The following CLCN3 variants were observed in gnomAD, a reference collection of about 807,000 sequenced individuals.
CLCN3 encodes the protein Cl-/H+ antiporter 3, also known as H(+)/Cl(-) exchange transporter 3.
A neutral mutation model predicts 83.4 loss-of-function variants in CLCN3; 16 were observed. That is an observed-to-expected ratio of 0.19 (90% CI 0.13 to 0.29). The LOEUF is 0.29. CLCN3 is among the 10% of genes least tolerant of loss of function. The pLI is 1.00. For synonymous variants in CLCN3, 322 were observed against 346.2 expected, an observed-to-expected ratio of 0.93 and a Z score of 0.78; for missense variants, 544 against 1,006.0, an observed-to-expected ratio of 0.54 and a Z score of 6.21.
intron 2 of CLCN3, among the ~76,000 whole-genome samples, chr4:169,642,260 T>C (rs1260437879): frequency 6.6e-6 from 1 of 152,080 alleles, no homozygotes; most frequent in Non-Finnish European, 1.5e-5. Context: ...GAGAGGAGAC[T>C]ACAAATTTGC....
intron 12 of CLCN3, among the ~76,000 whole-genome samples, chr4:169,714,343 G>A (rs1733344672): frequency 6.6e-6 from 1 of 151,222 alleles, no homozygotes; most frequent in African/African-American, 2.4e-5. Flanking sequence ...CATGACTCCT[G>A]TCCAGAGAAA....
intron 2 of CLCN3, among the ~76,000 whole-genome samples, chr4:169,667,980 C>A (rs1253850601): frequency 1.3e-5 from 2 of 151,192 alleles, no homozygotes; most frequent in African/African-American, 4.9e-5. Flanking sequence ...ACCTCGTGAT[C>A]CACCTGCCTC....
At chr4:169,666,258 T>C (rs1424549513) in intron 2 of CLCN3, among the ~76,000 whole-genome samples, 1 of 152,210 alleles carries the variant, frequency 6.6e-6, no homozygotes, top group Non-Finnish European at 1.5e-5. Context: ...TTTAAGTACA[T>C]ATCTATATAC....
chr4:169,632,843 C>A (rs151266645), intron 1 of CLCN3, among the ~76,000 whole-genome samples: 113 of 148,938 alleles, frequency 7.6e-4, no homozygotes, highest in African/African-American at 2.7e-3. Context: ...GAGATGTTAA[C>A]ATGGAATGGA....
At chr4:169,647,053 A>C (rs1196081099) in intron 2 of CLCN3, among the ~76,000 whole-genome samples, 4 of 152,178 alleles carry the variant, frequency 2.6e-5, no homozygotes, top group Admixed American at 2.0e-4. Flanking sequence ...GACTACCTAC[A>C]TCATGACATT....
rs530049749 is a variant in CLCN3 at position 169,719,879 on chromosome 4, A to T, written c.2367-28A>T. The T allele has an allele frequency of 3.2e-6, 5 of 1,571,486 alleles. No homozygotes were observed. In the East Asian group the frequency reaches 9.0e-5, roughly 28 times the overall value. On this transcript the variant is annotated intron_variant, in intron 12 of 12. Coordinates refer to ENST00000513761, the MANE Select transcript of CLCN3 (RefSeq NM_001829.4). ...CTCCTTTTATTTTCCCTTTTATTTC[A>T]TAGGAGTCTTCTGTTTATTCCTTTC...
intron 2 of CLCN3, among the ~76,000 whole-genome samples, chr4:169,641,855 G>GAATGAATCTA (rs1730422516): frequency 6.6e-6 from 1 of 151,828 alleles, no homozygotes; most frequent in South Asian, 2.1e-4. Context: ...TATTAACTAG[G>GAATGAATCTA]GTTTTAGATC....
chr4:169,661,186 T>A (rs1366998848), intron 2 of CLCN3, among the ~76,000 whole-genome samples: 1 of 152,126 alleles, frequency 6.6e-6, no homozygotes, highest in East Asian at 1.9e-4. Flanking sequence ...ATTACTACCC[T>A]TTTTTTCATT....
chr4:169,647,301 G>C (rs1730602037), intron 2 of CLCN3, among the ~76,000 whole-genome samples: 1 of 152,106 alleles, frequency 6.6e-6, no homozygotes, highest in South Asian at 2.1e-4. Flanking sequence ...GAGATGGGAA[G>C]ATCACTTGAG....
chr4:169,711,456 T>G (rs1004970432), intron 11 of CLCN3, among the ~76,000 whole-genome samples: 3 of 152,172 alleles, frequency 2.0e-5, no homozygotes, highest in Admixed American at 1.3e-4. Flanking sequence ...CTCCGCCTCC[T>G]GGGTTCAAGC....
At chr4:169,690,819 T>C (rs767688231) in intron 6 of CLCN3, among the ~76,000 whole-genome samples, 167 bp downstream of exon 6, 26 of 152,252 alleles carry the variant, frequency 1.7e-4, no homozygotes, top group Middle Eastern at 6.8e-3. Context: ...TTGAAAAATA[T>C]TGTTCCCCAT....
intron 2 of CLCN3, among the ~76,000 whole-genome samples, chr4:169,671,050 G>A (rs1731438571): frequency 6.6e-6 from 1 of 152,166 alleles, no homozygotes; most frequent in African/African-American, 2.4e-5. Context: ...GATTCCTCAA[G>A]GATCTAGAAC....
chr4:169,664,083 G>A (rs1177857566), intron 2 of CLCN3, among the ~76,000 whole-genome samples: 1 of 152,200 alleles, frequency 6.6e-6, no homozygotes, highest in Non-Finnish European at 1.5e-5. Context: ...ATAACAGGAG[G>A]AAATGCCTAG....
intron 3 of CLCN3, among the ~76,000 whole-genome samples, chr4:169,682,241 A>C (rs1731970291): frequency 6.6e-6 from 1 of 152,180 alleles, no homozygotes; most frequent in African/African-American, 2.4e-5. Context: ...ATATTTTAAA[A>C]ATCACATTTG....
intron 1 of CLCN3, 57 bp from the exon 2 acceptor site, chr4:169,635,856 T>C: frequency 7.3e-7 from 1 of 1,377,034 alleles, no homozygotes; most frequent in African/African-American, 1.5e-5. Flanking sequence ...GATGTTAAAC[T>C]AGATGATTTT....
chr4:169,690,480 AG>A, intron 5 of CLCN3, 49 bp from the exon 6 acceptor site: 1 of 1,573,264 alleles, frequency 6.4e-7, no homozygotes, highest in Non-Finnish European at 8.7e-7. Flanking sequence ...CATTTGCATT[AG>A]AGGTGCAATG....
intron 2 of CLCN3, among the ~76,000 whole-genome samples, chr4:169,647,121 C>T (rs1468403184): frequency 2.6e-5 from 4 of 152,174 alleles, no homozygotes; most frequent in African/African-American, 7.2e-5. Flanking sequence ...CGTGGTGGCT[C>T]ATGCCTGTAA....
At chr4:169,705,932 G>A (rs1365647656) in intron 10 of CLCN3, among the ~76,000 whole-genome samples, 1 of 152,114 alleles carries the variant, frequency 6.6e-6, no homozygotes, top group Non-Finnish European at 1.5e-5. Context: ...TGGAGAGGCT[G>A]AGGTGGGAGG....
intron 9 of CLCN3, among the ~76,000 whole-genome samples, chr4:169,702,489 T>C (rs1210590539): frequency 1.3e-5 from 2 of 151,926 alleles, no homozygotes; most frequent in African/African-American, 4.9e-5. Context: ...GGGCTTAAAA[T>C]AGTTAGTAAA....
Sources: allele counts gnomAD v4.1 joint callset (sites outside exome capture counted in the v4.1 genomes callset), GRCh38; gene constraint gnomAD v4.1.1; transcripts MANE v1.5; gene names NCBI Gene and HGNC (gene_info 2026-07-23, HGNC 2026-07-21).